ARB2A: variants seen among roughly 807,000 people sequenced by gnomAD.
ARB2A encodes cotranscriptional regulator ARB2A.
At chr5:93,978,188 T>A in the ARB2A span, among the ~76,000 whole-genome samples, 1 of 152,162 alleles carries the variant, frequency 6.6e-6, no homozygotes, top group East Asian at 1.9e-4. Flanking sequence ...AGTTAGCCCC[T>A]GTGGAAAGCA....
the ARB2A span, among the ~76,000 whole-genome samples, chr5:94,056,199 T>C: frequency 6.6e-6 from 1 of 152,196 alleles, no homozygotes; most frequent in African/African-American, 2.4e-5. Context: ...GCCCTCCTTT[T>C]CTCTGATTAT....
the ARB2A span, chr5:93,776,061 AAAAC>A: frequency 1.0e-6 from 1 of 988,600 alleles, no homozygotes; most frequent in African/African-American, 1.6e-5. Context: ...CTCAAAGATA[AAAAC>A]AAACTAATTC....
chr5:93,849,049 C>T, the ARB2A span, among the ~76,000 whole-genome samples: 1 of 152,162 alleles, frequency 6.6e-6, no homozygotes, highest in Non-Finnish European at 1.5e-5. Flanking sequence ...ACATTTGTTA[C>T]AGCAGGCTGT....
the ARB2A span, among the ~76,000 whole-genome samples, chr5:93,725,317 A>G: frequency 6.6e-6 from 1 of 152,066 alleles, no homozygotes; most frequent in Non-Finnish European, 1.5e-5. Context: ...TTGCTTGACT[A>G]ATTTATGGAC....
At chr5:94,084,386 C>T in the ARB2A span, among the ~76,000 whole-genome samples, 3 of 151,474 alleles carry the variant, frequency 2.0e-5, no homozygotes, top group African/African-American at 7.3e-5. Flanking sequence ...TAAAATGCTA[C>T]TGAAATACAT....
chr5:93,763,579 C>G, the ARB2A span, among the ~76,000 whole-genome samples: 1 of 152,162 alleles, frequency 6.6e-6, no homozygotes, highest in Non-Finnish European at 1.5e-5. Flanking sequence ...GAGACTTAGA[C>G]TCCCACACAA....
the ARB2A span, among the ~76,000 whole-genome samples, chr5:93,867,681 G>A: frequency 2.6e-5 from 4 of 152,060 alleles, no homozygotes; most frequent in Non-Finnish European, 5.9e-5. Context: ...CTCCCAAAGT[G>A]CTTTTAGAAA....
chr5:93,692,179 T>C, the ARB2A span, among the ~76,000 whole-genome samples: 1 of 151,992 alleles, frequency 6.6e-6, no homozygotes, highest in African/African-American at 2.4e-5. Context: ...CATAACAAGG[T>C]TAACCTTAAA....
At chr5:93,996,790 GATA>G in the ARB2A span, among the ~76,000 whole-genome samples, 1 of 151,930 alleles carries the variant, frequency 6.6e-6, no homozygotes, top group African/African-American at 2.4e-5. Flanking sequence ...TGACCTCTGA[GATA>G]ATAATGTCTT....
chr5:94,000,920 G>C, the ARB2A span, among the ~76,000 whole-genome samples: 2 of 152,034 alleles, frequency 1.3e-5, no homozygotes, highest in African/African-American at 4.8e-5. Flanking sequence ...CTGCTCCACT[G>C]TATTGCCATT....
the ARB2A span, among the ~76,000 whole-genome samples, chr5:93,958,122 G>A: frequency 2.0e-3 from 310 of 151,988 alleles, 2 homozygotes; most frequent in African/African-American, 7.2e-3. Flanking sequence ...ACTATTGCAA[G>A]AAAAGAAACC....
chr5:94,061,866 T>A, the ARB2A span, among the ~76,000 whole-genome samples: 1 of 152,194 alleles, frequency 6.6e-6, no homozygotes, highest in East Asian at 1.9e-4. Context: ...CTCCCCAAAT[T>A]TATCTAAAAG....
At chr5:93,625,318 C>T in the ARB2A span, among the ~76,000 whole-genome samples, 3 of 152,098 alleles carry the variant, frequency 2.0e-5, no homozygotes, top group Admixed American at 2.0e-4. Flanking sequence ...ACAGTAAAAG[C>T]ACGGCATAAT....
chr5:93,849,432 T>C, the ARB2A span, among the ~76,000 whole-genome samples: 2 of 152,082 alleles, frequency 1.3e-5, no homozygotes. Flanking sequence ...TGAGGAAATA[T>C]TAAATAATTT....
chr5:94,089,907 C>T, the ARB2A span, among the ~76,000 whole-genome samples: 14 of 152,050 alleles, frequency 9.2e-5, no homozygotes, highest in Admixed American at 8.5e-4. Flanking sequence ...CCTTTCAAAA[C>T]GACTATTTAC....
chr5:93,674,639 T>A, the ARB2A span, among the ~76,000 whole-genome samples: 1 of 152,190 alleles, frequency 6.6e-6, no homozygotes, highest in Admixed American at 6.5e-5. Flanking sequence ...GACTCAATAA[T>A]GCAAAATGCA....
the ARB2A span, chr5:93,682,989 C>T: frequency 6.3e-7 from 1 of 1,583,430 alleles, no homozygotes; most frequent in Non-Finnish European, 8.6e-7. Context: ...TTAATGTCTT[C>T]TACAGAACTA....
At chr5:93,679,036 AG>A in the ARB2A span, among the ~76,000 whole-genome samples, 2 of 152,218 alleles carry the variant, frequency 1.3e-5, no homozygotes, top group Non-Finnish European at 2.9e-5. Context: ...GTGGAATATA[AG>A]TGACTATGAA....
chr5:93,884,519 T>G, the ARB2A span, among the ~76,000 whole-genome samples: 1 of 151,648 alleles, frequency 6.6e-6, no homozygotes, highest in Non-Finnish European at 1.5e-5. Context: ...ATGATTCTAT[T>G]TTTAAATCAC....
Sources: gnomAD v4.1 joint callset for allele counts (sites outside exome capture counted in the v4.1 genomes callset) on GRCh38, gnomAD v4.1.1 for gene constraint, MANE v1.5 for transcripts, NCBI Gene and HGNC (gene_info 2026-07-23, HGNC 2026-07-21) for gene names.